GPC6: variants seen among roughly 807,000 people sequenced by gnomAD.
GPC6 encodes the protein glypican 6.
A neutral mutation model predicts 55.2 loss-of-function variants in GPC6; 14 were observed. The observed-to-expected ratio is 0.25, with a 90% CI of 0.17 to 0.40. GPC6 has a LOEUF of 0.40. Among genes scored for constraint, GPC6 ranks in the 10% least tolerant of loss-of-function variants. The pLI is 1.00. For missense variants in GPC6, 641 were observed against 708.5 expected, an observed-to-expected ratio of 0.90 and a Z score of 1.08; for synonymous variants, 278 against 259.6, an observed-to-expected ratio of 1.07 and a Z score of -0.68.
chr13:94,272,329 A>G (rs1023766690), intron 4 of GPC6, among the ~76,000 whole-genome samples: 1 of 152,100 alleles, frequency 6.6e-6, no homozygotes, highest in East Asian at 1.9e-4. Context: ...ATTAACTTTT[A>G]GGGCAAAGGA....
At chr13:94,219,401 A>G (rs1890316871) in intron 4 of GPC6, among the ~76,000 whole-genome samples, 2 of 152,200 alleles carry the variant, frequency 1.3e-5, no homozygotes, top group African/African-American at 2.4e-5. Context: ...CCTCTGTACC[A>G]GACACTAGGG....
In GPC6 at chr13:93,287,407, C is replaced by T. The variant is rs375158075; in HGVS notation, c.160+59791C>T. ...CTGGTTCTGGGGTGAGGCCGATTCT[C>T]GCAGGAGGCCTCCCCGCCTGGTGTC... On this transcript the variant is annotated intron_variant, in intron 1 of 8. Transcript: ENST00000377047. 1.1e-4 allele frequency among the ~76,000 whole-genome samples: 17 copies of T among 152,160 alleles called. No individual in the cohort carries two copies. The East Asian group carries it at 1.2e-3, about 10-fold the overall frequency.
chr13:93,565,173 T>C (rs895895482), intron 2 of GPC6, among the ~76,000 whole-genome samples: 4 of 152,168 alleles, frequency 2.6e-5, no homozygotes, highest in Non-Finnish European at 4.4e-5. Context: ...TTAACTTCCA[T>C]GGACCTGTGT....
intron 2 of GPC6, among the ~76,000 whole-genome samples, chr13:93,585,355 T>G (rs1384809411): frequency 6.6e-6 from 1 of 151,924 alleles, no homozygotes; most frequent in Non-Finnish European, 1.5e-5. Context: ...CACACACACA[T>G]GCACAATTTG....
At chr13:93,864,167 C>A (rs1888894455) in intron 3 of GPC6, among the ~76,000 whole-genome samples, 1 of 151,628 alleles carries the variant, frequency 6.6e-6, no homozygotes, top group Admixed American at 6.6e-5. Context: ...AAAATGCCCA[C>A]CTTATAATAA....
chr13:93,955,883 G>A (rs1207706125), intron 3 of GPC6, among the ~76,000 whole-genome samples: 1 of 152,132 alleles, frequency 6.6e-6, no homozygotes, highest in Admixed American at 6.5e-5. Context: ...AGAGAAGTTA[G>A]CACTAATTAA....
At chr13:93,223,222 A>C (rs900376590), upstream of GPC6, among the ~76,000 whole-genome samples, 8 of 152,000 alleles carry the variant, frequency 5.3e-5, no homozygotes, top group Non-Finnish European at 8.8e-5. Flanking sequence ...CAGGGGCTGC[A>C]CGACTCGTCT....
intron 2 of GPC6, among the ~76,000 whole-genome samples, chr13:93,817,657 C>G (rs976433631): frequency 3.3e-5 from 5 of 151,972 alleles, no homozygotes; most frequent in Non-Finnish European, 7.4e-5. Flanking sequence ...TCAGGAGTTC[C>G]AGATCAGCCT....
chr13:94,333,237 A>G (rs1281164014), intron 6 of GPC6, among the ~76,000 whole-genome samples: 1 of 152,200 alleles, frequency 6.6e-6, no homozygotes, highest in Non-Finnish European at 1.5e-5. Flanking sequence ...AGGTAAAGAT[A>G]GTTTCTCAAC....
intron 4 of GPC6, among the ~76,000 whole-genome samples, chr13:94,042,003 G>A (rs991815330): frequency 6.6e-6 from 1 of 151,834 alleles, no homozygotes; most frequent in Non-Finnish European, 1.5e-5. Context: ...AATCCCCAGT[G>A]TTGAAGGTGG....
At chr13:94,251,719 A>C (rs534628150) in intron 4 of GPC6, among the ~76,000 whole-genome samples, 25 of 144,508 alleles carry the variant, frequency 1.7e-4, no homozygotes, top group South Asian at 6.3e-4. Flanking sequence ...AAGGCAAAAA[A>C]AAAAACAAAA....
At chr13:93,556,635 A>C (rs1594264243) in intron 2 of GPC6, among the ~76,000 whole-genome samples, 1 of 151,870 alleles carries the variant, frequency 6.6e-6, no homozygotes, top group East Asian at 1.9e-4. Flanking sequence ...GGTTTTATTT[A>C]TTCTTTCTAT....
chr13:94,216,168 T>A (rs1200006317), intron 4 of GPC6, among the ~76,000 whole-genome samples: 5 of 152,240 alleles, frequency 3.3e-5, no homozygotes, highest in Admixed American at 6.5e-5. Context: ...CTAAGCAAGC[T>A]AAGAAATCTT....
chr13:93,597,440 G>A (rs1877810313), intron 2 of GPC6, among the ~76,000 whole-genome samples: 2 of 152,282 alleles, frequency 1.3e-5, no homozygotes, highest in African/African-American at 4.8e-5. Context: ...GAACTAAGAA[G>A]GTGAGGGAGC....
In GPC6 at chr13:93,867,910, G is replaced by A. The variant is rs563288286; in HGVS notation, c.711+37365G>A. On this transcript the variant is annotated intron_variant, in intron 3 of 8. Coordinates refer to ENST00000377047, the MANE Select transcript of GPC6 (RefSeq NM_005708.5). The stretch of plus-strand genomic sequence containing the variant: ...TGGGACCCAGGTCCAAAGCCTGTAT[G>A]GACCTGAAGAATTACACAAGGGCAG... Among the ~76,000 whole-genome samples the A allele has an allele frequency of 4.0e-5, 6 of 151,844 alleles. No homozygotes were observed. In the South Asian group the frequency reaches 1.0e-3, roughly 26 times the overall value.
chr13:94,081,155 C>G (rs1402847644), intron 4 of GPC6, among the ~76,000 whole-genome samples: 1 of 152,156 alleles, frequency 6.6e-6, no homozygotes, highest in Non-Finnish European at 1.5e-5. Flanking sequence ...TGCTGGCTAG[C>G]TCTAAAAGAC....
intron 6 of GPC6, 130 bp from the exon 7 acceptor site, chr13:94,382,284 C>G: frequency 1.0e-6 from 1 of 964,502 alleles, no homozygotes; most frequent in Admixed American, 1.9e-5. Flanking sequence ...GTGTCTCTCT[C>G]TTAAAACTGT....
At chr13:94,123,430 A>T (rs1393856179) in intron 4 of GPC6, among the ~76,000 whole-genome samples, 1 of 152,154 alleles carries the variant, frequency 6.6e-6, no homozygotes, top group East Asian at 1.9e-4. Flanking sequence ...AAACAGGTAT[A>T]TCAAACATAT....
At chr13:94,012,453 G>C (rs1485206969) in intron 3 of GPC6, among the ~76,000 whole-genome samples, 1 of 152,140 alleles carries the variant, frequency 6.6e-6, no homozygotes, top group Non-Finnish European at 1.5e-5. Flanking sequence ...CCATAAACTA[G>C]ATAGCATTAA....
Sources: gnomAD v4.1 joint callset for allele counts (sites outside exome capture counted in the v4.1 genomes callset) on GRCh38, gnomAD v4.1.1 for gene constraint, MANE v1.5 for transcripts, NCBI Gene and HGNC (gene_info 2026-07-23, HGNC 2026-07-21) for gene names.